Variants in RTF2 observed in about 807,000 individuals in gnomAD.
RTF2 encodes replication termination factor 2, also known as UPF0549 protein C20orf43.
Under a neutral mutation model 38.0 loss-of-function variants are expected in RTF2, and 18 were observed. The ratio of observed to expected loss-of-function variants is 0.47; its 90% CI spans 0.33 to 0.70. The LOEUF is 0.70. RTF2 is among the 30% of genes least tolerant of loss of function. The pLI, the probability that RTF2 is intolerant of heterozygous loss-of-function variation, is 0.02. For missense variants in RTF2, 311 were observed against 379.6 expected (o/e 0.82, Z 1.50); for synonymous variants, 126 against 137.1 (o/e 0.92, Z 0.57).
intron 1 of RTF2, among the ~76,000 whole-genome samples, chr20:56,472,125 G>C (rs932447950): frequency 6.6e-6 from 1 of 152,122 alleles, no homozygotes; most frequent in Admixed American, 6.5e-5. Flanking sequence ...GGAGGCTAAG[G>C]GGGAGGATTG....
intron 1 of RTF2, among the ~76,000 whole-genome samples, chr20:56,470,055 T>C (rs1981877069): frequency 6.6e-6 from 1 of 152,228 alleles, no homozygotes; most frequent in Non-Finnish European, 1.5e-5. Flanking sequence ...ACCTTGTGTG[T>C]CTTACCTCTG....
At chr20:56,512,794 G>C (rs1387293711) in intron 5 of RTF2, among the ~76,000 whole-genome samples, 1 of 152,156 alleles carries the variant, frequency 6.6e-6, no homozygotes, top group Non-Finnish European at 1.5e-5. Flanking sequence ...GCTTCCTTAC[G>C]CGCACTCCCT....
chr20:56,495,539 T>C (rs1983471223), intron 5 of RTF2, among the ~76,000 whole-genome samples: 1 of 152,200 alleles, frequency 6.6e-6, no homozygotes, highest in Non-Finnish European at 1.5e-5. Flanking sequence ...AGGTTGGGGA[T>C]CCCCATCTTT....
At chr20:56,469,921 T>A (rs1028324189) in intron 1 of RTF2, among the ~76,000 whole-genome samples, 15 of 152,328 alleles carry the variant, frequency 9.8e-5, no homozygotes, top group African/African-American at 3.6e-4. Flanking sequence ...CTTCATTCAG[T>A]TTTTTACTCA....
At chr20:56,479,960 T>C (rs750725139) in intron 4 of RTF2, among the ~76,000 whole-genome samples, 63 of 152,258 alleles carry the variant, frequency 4.1e-4, no homozygotes, top group Non-Finnish European at 3.5e-4. Context: ...ACCATCATTC[T>C]TAAGAACCCT....
chr20:56,482,898 G>A (rs1982595735), intron 4 of RTF2, among the ~76,000 whole-genome samples: 1 of 152,104 alleles, frequency 6.6e-6, no homozygotes, highest in Admixed American at 6.6e-5. Flanking sequence ...CCATATCCAC[G>A]CTTCTCCACG....
At chr20:56,475,238 C>A (rs1982177410) in intron 3 of RTF2, among the ~76,000 whole-genome samples, 1 of 152,018 alleles carries the variant, frequency 6.6e-6, no homozygotes. Context: ...GAGGACACAA[C>A]TTTTTAAATA....
chr20:56,511,798 C>T (rs1221397040), intron 5 of RTF2, among the ~76,000 whole-genome samples: 1 of 152,054 alleles, frequency 6.6e-6, no homozygotes, highest in Non-Finnish European at 1.5e-5. Context: ...TTGCGTTAGA[C>T]CCCAAGTGGT....
chr20:56,493,004 C>T (rs1323921818), intron 5 of RTF2, among the ~76,000 whole-genome samples: 2 of 152,016 alleles, frequency 1.3e-5, no homozygotes, highest in African/African-American at 2.4e-5. Context: ...GGTGACACCT[C>T]GTCTCTACTA....
intron 5 of RTF2, among the ~76,000 whole-genome samples, chr20:56,507,401 T>G (rs1389913017): frequency 6.6e-6 from 1 of 152,136 alleles, no homozygotes; most frequent in African/African-American, 2.4e-5. Flanking sequence ...CCTACCAAGG[T>G]TCAAGCCATT....
intron 5 of RTF2, among the ~76,000 whole-genome samples, chr20:56,493,167 T>TC (rs1444548171): frequency 1.3e-5 from 2 of 151,822 alleles, no homozygotes; most frequent in Non-Finnish European, 2.9e-5. Context: ...AAAGCAAGAC[T>TC]CCATCTCCAA....
At chr20:56,511,683 C>T (rs1984679327) in intron 5 of RTF2, among the ~76,000 whole-genome samples, 2 of 152,116 alleles carry the variant, frequency 1.3e-5, no homozygotes, top group Admixed American at 6.5e-5. Flanking sequence ...CATCCCTGGC[C>T]TCTACCCACA....
chr20:56,517,175 A>C lies in RTF2; in HGVS notation c.716A>C (p.Lys239Thr). 1.2e-6 allele frequency: 2 copies of C among 1,614,172 alleles called. No homozygotes were observed. Among genetic ancestry groups the C allele is most frequent in the Non-Finnish European group, 1.7e-6 (2 of 1,180,028 alleles). Residue 239 changes from lysine (K) to threonine (T), a missense_variant, in exon 8 of 9, where the codon AAA (lysine) becomes ACA (threonine). By Grantham distance (78) the Lys-to-Thr change is moderately conservative. Transcript: ENST00000357348. ...EEASLDSREKKTNLAPKSTAM... is the reference protein window; with the variant it reads ...EEASLDSREKTTNLAPKSTAM... ...GCCAGCCTTGATTCTAGAGAGAAGA[A>C]AACCAACTTGGCTCCCAAAAGCACA...
chr20:56,472,375 G>GA (rs1447518870), intron 1 of RTF2: 1 of 1,547,808 alleles, frequency 6.5e-7, no homozygotes, highest in Non-Finnish European at 8.7e-7. Context: ...CACAGTGAAG[G>GA]AAAAAACAAG....
In RTF2 at chr20:56,517,209, C is replaced by T; in HGVS notation, c.742+8C>T. 1 of 1,610,928 alleles carries T rather than the reference C, an allele frequency of 6.2e-7. No homozygotes were observed. Among genetic ancestry groups the T allele is most frequent in the Non-Finnish European group, 8.5e-7 (1 of 1,177,480 alleles). ...TGGCTCCCAAAAGCACAGGTGGGTC[C>T]TGTTGTAGCTACAGGGAGCTGTTTC... is the stretch of plus-strand genomic sequence containing the variant. On this transcript the variant is annotated splice_region_variant and intron_variant, in intron 8 of 8. Coordinates refer to ENST00000357348, the MANE Select transcript of RTF2 (RefSeq NM_016407.5).
chr20:56,472,516 C>A, intron 1 of RTF2: 2 of 613,588 alleles, frequency 3.3e-6, no homozygotes, highest in Non-Finnish European at 2.9e-6. Flanking sequence ...AGCCCCAAAA[C>A]ACTTATTTCT....
chr20:56,479,187 CCCT>C (rs1982403980), intron 4 of RTF2, among the ~76,000 whole-genome samples: 1 of 151,964 alleles, frequency 6.6e-6, no homozygotes, highest in Non-Finnish European at 1.5e-5. Context: ...TGATATTCTG[CCCT>C]CCTCTCATGA....
At chr20:56,492,240 G>T (rs1410797157) in intron 5 of RTF2, among the ~76,000 whole-genome samples, 5 of 151,574 alleles carry the variant, frequency 3.3e-5, no homozygotes, top group African/African-American at 1.2e-4. Flanking sequence ...ACCATGCCCA[G>T]CTAATTTTTG....
At chr20:56,508,034 A>G (rs1381803809) in intron 5 of RTF2, among the ~76,000 whole-genome samples, 1 of 152,188 alleles carries the variant, frequency 6.6e-6, no homozygotes, top group African/African-American at 2.4e-5. Flanking sequence ...TAAATGCTAG[A>G]TTGGGCACGT....
Sources: allele counts gnomAD v4.1 joint callset (sites outside exome capture counted in the v4.1 genomes callset), GRCh38; gene constraint gnomAD v4.1.1; transcripts MANE v1.5; gene names NCBI Gene and HGNC (gene_info 2026-07-23, HGNC 2026-07-21).